Variants in DPP6 observed in about 807,000 individuals in gnomAD.
DPP6 encodes the protein dipeptidyl peptidase like 6.
In DPP6, 69 loss-of-function variants were observed where a neutral mutation model predicts 122.6. The observed-to-expected ratio is 0.56, with a 90% CI of 0.46 to 0.69. DPP6 has a LOEUF of 0.69. DPP6 is among the 30% of genes least tolerant of loss of function. The pLI is 0.00. For missense variants in DPP6, 928 were observed against 1,116.9 expected, an observed-to-expected ratio of 0.83 and a Z score of 2.41; for synonymous variants, 418 against 433.1, an observed-to-expected ratio of 0.97 and a Z score of 0.43.
chr7:154,672,891 C>T (rs115473722), intron 7 of DPP6, among the ~76,000 whole-genome samples: 1 of 152,174 alleles, frequency 6.6e-6, no homozygotes, highest in African/African-American at 2.4e-5. Context: ...CAGCTGCAGA[C>T]AGTATAGACA....
intron 16 of DPP6, chr7:154,838,514 G>A (rs1191767404): frequency 6.6e-6 from 1 of 152,246 alleles, no homozygotes; most frequent in Non-Finnish European, 1.5e-5. Context: ...GAGCCACCGT[G>A]GAATAGCACA....
chr7:154,645,799 C>A (rs1324168896), intron 6 of DPP6, among the ~76,000 whole-genome samples: 1 of 151,940 alleles, frequency 6.6e-6, no homozygotes, highest in Non-Finnish European at 1.5e-5. Flanking sequence ...GATGCCAAGG[C>A]GGGTGGATCA....
chr7:153,819,072 C>CTTT, the DPP6 span, among the ~76,000 whole-genome samples: 31 of 63,846 alleles, frequency 4.9e-4, no homozygotes, highest in East Asian at 2.0e-3. Context: ...TTCCCCTTTT[C>CTTT]TTTTCTTTTT....
In DPP6 at chr7:154,759,776, C is replaced by T. The variant is rs750701563; in HGVS notation, c.884-9641C>T. ...AATCCATGGGGTTGCAGAAGGGGCT[C>T]GCTGCCTGTGCACTAGATGCCAATA... On this transcript the variant is annotated intron_variant, in intron 8 of 25. Coordinates refer to ENST00000377770, the MANE Select transcript of DPP6 (RefSeq NM_130797.4). Among the ~76,000 whole-genome samples the T allele has an allele frequency of 1.4e-4, 22 of 152,196 alleles. 1 individual carries two copies. Among genetic ancestry groups the T allele is most frequent in the Admixed American group, 7.9e-4 (12 of 15,282 alleles).
intron 1 of DPP6, among the ~76,000 whole-genome samples, chr7:154,061,133 G>A (rs1801801098): frequency 6.7e-6 from 1 of 148,382 alleles, no homozygotes; most frequent in African/African-American, 2.5e-5. Flanking sequence ...AGGGCAGAAG[G>A]CAGGTGAGAG....
intron 17 of DPP6, among the ~76,000 whole-genome samples, chr7:154,866,212 A>G (rs774655959): frequency 1.9e-4 from 29 of 152,160 alleles, no homozygotes; most frequent in Non-Finnish European, 3.5e-4. Context: ...ACCAGGCAGC[A>G]CTCCCTGCTA....
chr7:154,825,190 C>T (rs1310647245), intron 16 of DPP6, among the ~76,000 whole-genome samples: 3 of 152,168 alleles, frequency 2.0e-5, no homozygotes, highest in African/African-American at 7.2e-5. Flanking sequence ...TTACAAGCTA[C>T]TCACTTGGTC....
intron 1 of DPP6, among the ~76,000 whole-genome samples, chr7:154,173,019 A>G (rs1205595132): frequency 6.6e-6 from 1 of 152,204 alleles, no homozygotes; most frequent in Non-Finnish European, 1.5e-5. Flanking sequence ...GGTAGGAAAG[A>G]GTAGGCTGCT....
the DPP6 span, among the ~76,000 whole-genome samples, chr7:153,840,272 ACT>A: frequency 1.3e-5 from 2 of 152,178 alleles, no homozygotes; most frequent in African/African-American, 4.8e-5. Context: ...CTGTGCAGCA[ACT>A]CTCAGTCCAG....
At chr7:154,507,704 G>T (rs1434167109) in intron 3 of DPP6, among the ~76,000 whole-genome samples, 1 of 152,152 alleles carries the variant, frequency 6.6e-6, no homozygotes, top group African/African-American at 2.4e-5. Flanking sequence ...ACCCAATAAA[G>T]AAATCTCTCA....
At chr7:154,298,794 G>A (rs776639948) in intron 1 of DPP6, among the ~76,000 whole-genome samples, 2 of 152,078 alleles carry the variant, frequency 1.3e-5, no homozygotes, top group African/African-American at 4.8e-5. Context: ...TCTTCCTCTC[G>A]AAGCCTGGGG....
intron 1 of DPP6, among the ~76,000 whole-genome samples, chr7:153,918,554 C>CAG (rs1176210820): frequency 2.2e-5 from 3 of 135,740 alleles, no homozygotes; most frequent in Middle Eastern, 3.7e-3. Context: ...CACACACACA[C>CAG]ACACACACAC....
At chr7:153,898,604 AAATG>A (rs1487521141) in intron 1 of DPP6, among the ~76,000 whole-genome samples, 1 of 152,236 alleles carries the variant, frequency 6.6e-6, no homozygotes, top group Non-Finnish European at 1.5e-5. Flanking sequence ...ATCAACAAGA[AAATG>A]AAAACGAGAA....
intron 8 of DPP6, among the ~76,000 whole-genome samples, chr7:154,736,454 T>C (rs4960550): frequency 0.1 from 15,297 of 152,248 alleles, 1,012 homozygotes; most frequent in East Asian, 0.26. Context: ...TTCTCACATG[T>C]CATTAAATAT....
At chr7:154,823,174 A>T (rs1168620540) in intron 16 of DPP6, among the ~76,000 whole-genome samples, 1 of 152,196 alleles carries the variant, frequency 6.6e-6, no homozygotes, top group East Asian at 1.9e-4. Context: ...GCCCTCGTTT[A>T]TAAAAGCCTG....
At chr7:154,533,320 A>G (rs1586560964) in intron 3 of DPP6, among the ~76,000 whole-genome samples, 1 of 152,196 alleles carries the variant, frequency 6.6e-6, no homozygotes, top group African/African-American at 2.4e-5. Context: ...CAATACCAAT[A>G]CATTTTACAA....
rs1239018693 is a variant in DPP6 at position 154,058,467 on chromosome 7, C to T, written c.243+5404C>T. ...CTCTTCCGCACCTGGCTGTTGGTAC[C>T]CCCATCGTAGGGGGGGGGAGGCACC... On this transcript the variant is annotated intron_variant, in intron 1 of 25. Coordinates refer to ENST00000377770, the MANE Select transcript of DPP6 (RefSeq NM_130797.4). The T allele has an allele frequency of 1.1e-4, 15 of 135,208 alleles. No individual in the cohort carries two copies. In the East Asian group the frequency reaches 3.3e-3, roughly 30 times the overall value. 8.4% of individuals were successfully genotyped at this position (135,208 alleles called of 1,614,324 possible).
intron 1 of DPP6, among the ~76,000 whole-genome samples, chr7:154,145,397 C>G (rs1796039121): frequency 1.3e-5 from 2 of 152,186 alleles, no homozygotes; most frequent in Non-Finnish European, 2.9e-5. Context: ...CTAACAGCCA[C>G]TGAGCTTGGA....
chr7:153,870,756 C>T, the DPP6 span, among the ~76,000 whole-genome samples: 2 of 152,160 alleles, frequency 1.3e-5, no homozygotes, highest in African/African-American at 4.8e-5. Flanking sequence ...TTTTTCTGCT[C>T]TGTTTTTTGC....
Sources: allele counts gnomAD v4.1 joint callset (sites outside exome capture counted in the v4.1 genomes callset), GRCh38; gene constraint gnomAD v4.1.1; transcripts MANE v1.5; gene names NCBI Gene and HGNC (gene_info 2026-07-23, HGNC 2026-07-21).